Variants in CRYZ observed in about 807,000 individuals in gnomAD.
CRYZ encodes crystallin zeta, also known as zeta-crystallin.
A neutral mutation model predicts 34.1 loss-of-function variants in CRYZ; 35 were observed. The observed-to-expected ratio is 1.03, with a 90% CI of 0.78 to 1.36. The LOEUF (loss-of-function observed/expected upper bound fraction) is 1.36. Ranked by LOEUF, CRYZ falls within the 40% of genes most tolerant of loss-of-function variation. CRYZ has a pLI of 0.00. For missense variants in CRYZ, 403 were observed against 391.8 expected (o/e 1.03, Z -0.24); for synonymous variants, 137 against 136.5 (o/e 1.00, Z -0.03).
chr1:74,706,957 C>G lies in CRYZ; in HGVS notation c.770G>C (p.Arg257Pro). The change falls in exon 8 of 9, where the codon CGA (arginine) becomes CCA (proline). Residue 257 changes from arginine to proline, a missense_variant. By Grantham distance (103) the Arg-to-Pro change is moderately radical. Transcript: ENST00000340866. ...ACTCGACTCCTTTGCCATGGTGTCT[C>G]GTGGGTTTATTTCAATAGTACCTCT... Reference protein sequence around the residue: ...GSRGTIEINPRDTMAKESSII... With the variant: ...GSRGTIEINPPDTMAKESSII... 6.8e-6 allele frequency: 11 copies of G among 1,612,756 alleles called. No individual in the cohort carries two copies. Among genetic ancestry groups the G allele is most frequent in the Non-Finnish European group, 9.3e-6 (11 of 1,179,352 alleles).
chr1:74,706,790 C>A, intron 8 of CRYZ, 109 bp downstream of exon 8: 1 of 875,528 alleles, frequency 1.1e-6, no homozygotes, highest in East Asian at 2.4e-5. Flanking sequence ...TACCAACTCC[C>A]ACTAGTCATA....
At chr1:74,720,946 GA>G (rs1054138068) in intron 3 of CRYZ, among the ~76,000 whole-genome samples, 21 of 151,988 alleles carry the variant, frequency 1.4e-4, no homozygotes, top group African/African-American at 5.1e-4. Context: ...ATAGGTACAA[GA>G]AAAAGAAAGA....
At position 74,706,503 on chromosome 1, in the gene CRYZ, T is replaced by C. The variant is rs759700919; in HGVS notation, c.829-46A>G. 3.9e-6 allele frequency: 6 copies of C among 1,529,990 alleles called. No homozygotes were observed. The African/African-American group carries it at 7.0e-5, about 18-fold the overall frequency. The allele number at this position is 1,529,990 out of a possible 1,614,324, so 94.8% of individuals were successfully genotyped here. ...TTTCTTTTTGTAGTGAACCGTATGA[T>C]TTAATTTTCAGAAGCATTAAAAACA... On this transcript the variant is annotated intron_variant, in intron 8 of 8. Coordinates refer to ENST00000340866, the MANE Select transcript of CRYZ (RefSeq NM_001889.4).
At chr1:74,723,024 T>C in intron 3 of CRYZ, 94 bp downstream of exon 3, 2 of 1,335,544 alleles carry the variant, frequency 1.5e-6, no homozygotes, top group Admixed American at 2.2e-5. Flanking sequence ...AATGGGGCCT[T>C]TTAAAACCTT....
In CRYZ at chr1:74,724,715, T is replaced by C. The variant is rs1285404957; in HGVS notation, c.107A>G (p.His36Arg). The C allele has an allele frequency of 2.5e-6, 4 of 1,594,962 alleles. No individual in the cohort carries two copies. The highest frequency in any genetic ancestry group is 1.7e-5 in the Admixed American group (1 of 58,394). The change falls in exon 2 of 9, where the codon CAT becomes CGT. Residue 36 changes from histidine (H) to arginine (R), a missense_variant. By Grantham distance (29) the His-to-Arg change is conservative. Transcript: ENST00000340866. Reference protein sequence around the residue: ...SDIAVPIPKDHQVLIKVHACG... With the variant: ...SDIAVPIPKDRQVLIKVHACG... ...ATAAAGTAATTTTATTTCTACCTGA[T>C]GGTCTTTTGGAATCGGTACTGCAAT...
At chr1:74,723,562 C>G (rs1647204480) in intron 2 of CRYZ, among the ~76,000 whole-genome samples, 1 of 152,192 alleles carries the variant, frequency 6.6e-6, no homozygotes, top group Non-Finnish European at 1.5e-5. Context: ...TCTCCTTTTC[C>G]TGGGTACACA....
intron 2 of CRYZ, among the ~76,000 whole-genome samples, chr1:74,723,752 G>T (rs1647209495): frequency 6.6e-6 from 1 of 152,204 alleles, no homozygotes; most frequent in East Asian, 1.9e-4. Flanking sequence ...CGGGTTGGGT[G>T]GCAGAGCCAC....
At chr1:74,712,164 C>T (rs908138715) in intron 5 of CRYZ, among the ~76,000 whole-genome samples, 3 of 152,152 alleles carry the variant, frequency 2.0e-5, no homozygotes, top group African/African-American at 4.8e-5. Flanking sequence ...AATAACAATA[C>T]TAGGAAATAT....
chr1:74,716,195 CGCGTGTGT>C (rs922317295), intron 4 of CRYZ, among the ~76,000 whole-genome samples: 204 of 147,244 alleles, frequency 1.4e-3, no homozygotes, highest in Non-Finnish European at 2.2e-3. Flanking sequence ...AATCTGTGTG[CGCGTGTGT>C]GTGTGTGTGT....
At position 74,710,188 on chromosome 1, in the gene CRYZ, A is replaced by G; in HGVS notation, c.540T>C (p.Ala180=). Reference sequence around the variant, plus strand: ...CAATCTTTTGTCCTTCCTCAGTACCAGCAGTGCCCAAAATCTTTAAGCCAT... The same window carrying G: ...CAATCTTTTGTCCTTCCTCAGTACCGGCAGTGCCCAAAATCTTTAAGCCAT... The part of the protein sequence containing the change: ...RAYGLKILGT[A]GTEEGQKIVL... The change falls in exon 6 of 9, where the codon GCT becomes GCC. Residue 180 remains alanine (A), a synonymous_variant. Coordinates refer to ENST00000340866, the MANE Select transcript of CRYZ (RefSeq NM_001889.4). 1 of 1,613,938 alleles carries G rather than the reference A, an allele frequency of 6.2e-7. No individual in the cohort carries two copies. Among genetic ancestry groups the G allele is most frequent in the South Asian group, 1.1e-5 (1 of 91,076 alleles).
chr1:74,725,446 T>A (rs1034013936), intron 1 of CRYZ, among the ~76,000 whole-genome samples: 3 of 152,272 alleles, frequency 2.0e-5, no homozygotes, highest in Admixed American at 6.5e-5. Context: ...AACCATCAGA[T>A]ATTGTGAGAC....
chr1:74,727,558 G>A (rs1261853741), intron 1 of CRYZ, among the ~76,000 whole-genome samples: 1 of 115,750 alleles, frequency 8.6e-6, no homozygotes, highest in African/African-American at 3.0e-5. Flanking sequence ...CGTCAACCCG[G>A]CAGGTGGAGC....
intron 6 of CRYZ, among the ~76,000 whole-genome samples, chr1:74,709,700 G>A (rs563865338): frequency 6.6e-6 from 1 of 152,064 alleles, no homozygotes; most frequent in African/African-American, 2.4e-5. Flanking sequence ...TTATTCCCTG[G>A]GCCACACAGA....
rs1646936777 is a variant in CRYZ, at chr1:74,706,924, C to A, written c.803G>T (p.Gly268Val). ...CTTGGTTGAGGAAAAGAGAGTAACT[C>A]CAATTATACTCGACTCCTTTGCCAT... ...DTMAKESSII[G>V]VTLFSSTKEE... is the part of the protein sequence containing the mutation. Residue 268 changes from glycine (G) to valine (V), a missense_variant, in exon 8 of 9, where the codon GGA becomes GTA. By Grantham distance (109) the Gly-to-Val change is moderately radical (BLOSUM62 -3). Coordinates refer to ENST00000340866, the MANE Select transcript of CRYZ (RefSeq NM_001889.4). The A allele has an allele frequency of 1.2e-6, 2 of 1,612,666 alleles. No homozygotes were observed. The highest frequency in any genetic ancestry group is 1.1e-5 in the South Asian group (1 of 90,992).
intron 4 of CRYZ, among the ~76,000 whole-genome samples, chr1:74,715,345 T>A (rs1197044226): frequency 6.6e-6 from 1 of 152,234 alleles, no homozygotes; most frequent in Admixed American, 6.5e-5. Flanking sequence ...CATGAGGGGA[T>A]GCCTCACTAT....
chr1:74,720,811 C>T (rs1248810793), intron 3 of CRYZ, among the ~76,000 whole-genome samples: 1 of 152,000 alleles, frequency 6.6e-6, no homozygotes, highest in Non-Finnish European at 1.5e-5. Context: ...AGCATTATTT[C>T]AAGTTATGTG....
At chr1:74,725,155 ATGAGT>A (rs1439164821) in intron 1 of CRYZ, among the ~76,000 whole-genome samples, 2 of 152,196 alleles carry the variant, frequency 1.3e-5, no homozygotes, top group African/African-American at 4.8e-5. Context: ...TAGAAATTTT[ATGAGT>A]TGAGTTTTAT....
intron 1 of CRYZ, among the ~76,000 whole-genome samples, chr1:74,726,061 G>A (rs1042155479): frequency 5.3e-5 from 8 of 152,194 alleles, no homozygotes; most frequent in Non-Finnish European, 1.2e-4. Flanking sequence ...GGCTGGCATT[G>A]AGTGTCTGCA....
chr1:74,708,615 G>C (rs998017361), intron 6 of CRYZ: 2 of 152,112 alleles, frequency 1.3e-5, no homozygotes, highest in Admixed American at 1.3e-4. Context: ...CTGGGTGGGA[G>C]GGAGAATGAT....
Sources: allele counts gnomAD v4.1 joint callset (sites outside exome capture counted in the v4.1 genomes callset), GRCh38; gene constraint gnomAD v4.1.1; transcripts MANE v1.5; gene names NCBI Gene and HGNC (gene_info 2026-07-23, HGNC 2026-07-21).